Variants in TTC27 observed in about 807,000 individuals in gnomAD.
TTC27 encodes the protein tetratricopeptide repeat protein 27.
A neutral mutation model predicts 115.9 loss-of-function variants in TTC27; 79 were observed. The ratio of observed to expected loss-of-function variants is 0.68; its 90% confidence interval spans 0.57 to 0.82. The LOEUF (loss-of-function observed/expected upper bound fraction) is 0.82, where lower values mean the gene tolerates loss of function less well. Among genes scored for constraint, TTC27 ranks in the 40% least tolerant of loss-of-function variants. TTC27 has a pLI of 0.00. For missense variants in TTC27, 1,054 were observed against 993.1 expected (o/e 1.06, Z -0.82); for synonymous variants, 401 against 356.0 (o/e 1.13, Z -1.42).
chr2:32,664,051 A>G (rs771549164), intron 5 of TTC27, among the ~76,000 whole-genome samples: 3 of 151,868 alleles, frequency 2.0e-5, no homozygotes, highest in Non-Finnish European at 4.4e-5. Context: ...TATGAATCAT[A>G]TCTCCCAGGA....
chr2:32,656,078 A>G (rs1665304400), intron 5 of TTC27, among the ~76,000 whole-genome samples: 2 of 152,016 alleles, frequency 1.3e-5, no homozygotes, highest in Admixed American at 1.3e-4. Flanking sequence ...AGTTTTCTAA[A>G]TGCCAATTTC....
In TTC27 at chr2:32,777,328, G is replaced by T. The variant is rs539801696; in HGVS notation, c.1681-554G>T. Reference sequence around the variant, plus strand: ...TGGGGGATTGCTTCCAGGCGTCACCGCCCCCAACCCCAATACCAAAATCCA... The same window carrying T: ...TGGGGGATTGCTTCCAGGCGTCACCTCCCCCAACCCCAATACCAAAATCCA... On this transcript the variant is annotated intron_variant, in intron 13 of 19. Coordinates refer to ENST00000317907, the MANE Select transcript of TTC27 (RefSeq NM_017735.5). Among the ~76,000 whole-genome samples, 5 of 152,294 alleles carry T rather than the reference G, an allele frequency of 3.3e-5. No individual in the cohort carries two copies. The East Asian group carries it at 9.6e-4, about 29-fold the overall frequency.
In TTC27 at chr2:32,699,367, C is replaced by A. The variant is rs12624257; in HGVS notation, c.1120-3440C>A. ...GTTCTAAATGGAATGGAATTAAGAG[C>A]AGTAACCCCCTACTGGGGGGCGTGG... is the stretch of plus-strand genomic sequence containing the variant. On this transcript the variant is annotated intron_variant, in intron 9 of 19. Coordinates refer to ENST00000317907, the MANE Select transcript of TTC27 (RefSeq NM_017735.5). Among the ~76,000 whole-genome samples the A allele has an allele frequency of 1.8e-3, 271 of 152,298 alleles. 5 individuals are homozygous for A. In the East Asian group the frequency reaches 0.047, roughly 26 times the overall value.
intron 3 of TTC27, among the ~76,000 whole-genome samples, chr2:32,636,549 G>C (rs1664436603): frequency 6.6e-6 from 1 of 152,112 alleles, no homozygotes; most frequent in African/African-American, 2.4e-5. Flanking sequence ...GGTCCTTACA[G>C]ATTTGAGGTA....
At chr2:32,748,132 G>A (rs978747306) in intron 12 of TTC27, among the ~76,000 whole-genome samples, 9 of 151,822 alleles carry the variant, frequency 5.9e-5, no homozygotes, top group Non-Finnish European at 1.2e-4. Flanking sequence ...GCTACATCCC[G>A]TAAGTTTCAG....
chr2:32,775,270 T>C (rs7580674), intron 13 of TTC27, among the ~76,000 whole-genome samples: 19,065 of 152,222 alleles, frequency 0.13, 1,366 homozygotes, highest in Middle Eastern at 0.21. Context: ...CCATCTCAGC[T>C]CACTGCAAGC....
At chr2:32,697,195 A>G (rs1559210662) in intron 9 of TTC27, among the ~76,000 whole-genome samples, 1 of 151,706 alleles carries the variant, frequency 6.6e-6, no homozygotes, top group African/African-American at 2.4e-5. Context: ...CTGTCTCAAA[A>G]AAAAAAAACA....
chr2:32,641,223 A>G (rs1051169015), intron 4 of TTC27, among the ~76,000 whole-genome samples: 3 of 152,236 alleles, frequency 2.0e-5, no homozygotes, highest in African/African-American at 7.2e-5. Context: ...ATATACACAC[A>G]GAATGCTAAT....
intron 10 of TTC27, among the ~76,000 whole-genome samples, chr2:32,718,780 G>T (rs1667830802): frequency 6.6e-6 from 1 of 152,162 alleles, no homozygotes; most frequent in African/African-American, 2.4e-5. Context: ...GCTTCTGTAG[G>T]GTTGGCATGG....
At chr2:32,804,539 C>T (rs1671065385) in intron 16 of TTC27, among the ~76,000 whole-genome samples, 1 of 151,936 alleles carries the variant, frequency 6.6e-6, no homozygotes, top group Non-Finnish European at 1.5e-5. Flanking sequence ...TATCAAAATA[C>T]TATACTTAAA....
chr2:32,672,338 A>G lies in TTC27; in HGVS notation c.1006A>G (p.Met336Val). 1 of 1,613,948 alleles carries G rather than the reference A, an allele frequency of 6.2e-7. No individual in the cohort carries two copies. Among genetic ancestry groups the G allele is most frequent in the Non-Finnish European group, 8.5e-7 (1 of 1,179,886 alleles). The change falls in exon 8 of 20, where the codon ATG becomes GTG. Residue 336 changes from methionine to valine, a missense_variant. Coordinates refer to ENST00000317907, the MANE Select transcript of TTC27 (RefSeq NM_017735.5). ...GTTAGCAGATTGTGAACAGTTCCAGATGCCGGATCTGTGTGCTGAAGAGAT... is the reference window on the plus strand; with the variant it reads ...GTTAGCAGATTGTGAACAGTTCCAGGTGCCGGATCTGTGTGCTGAAGAGAT... ...IKLADCEQFQMPDLCAEEIAI... is the reference protein window; with the variant it reads ...IKLADCEQFQVPDLCAEEIAI...
At chr2:32,741,269 T>C (rs975980346) in intron 12 of TTC27, among the ~76,000 whole-genome samples, 27 of 152,162 alleles carry the variant, frequency 1.8e-4, no homozygotes, top group African/African-American at 6.3e-4. Context: ...TGTACTCCTA[T>C]GGCACCCAAA....
chr2:32,759,728 C>T (rs1179670789), intron 13 of TTC27, among the ~76,000 whole-genome samples: 1 of 152,188 alleles, frequency 6.6e-6, no homozygotes, highest in Non-Finnish European at 1.5e-5. Flanking sequence ...CCCTGTTTCC[C>T]CTTCGTTCCC....
At chr2:32,650,590 T>C (rs1470169970) in intron 5 of TTC27, among the ~76,000 whole-genome samples, 1 of 151,990 alleles carries the variant, frequency 6.6e-6, no homozygotes, top group African/African-American at 2.4e-5. Flanking sequence ...CTCTCCTTAG[T>C]TCTTTTTTTA....
At chr2:32,631,423 A>C (rs898940174) in intron 2 of TTC27, among the ~76,000 whole-genome samples, 11 of 152,212 alleles carry the variant, frequency 7.2e-5, no homozygotes, top group African/African-American at 2.4e-4. Context: ...CAGAGAACTT[A>C]ATGTTTTTGT....
At chr2:32,711,667 C>T (rs138958757) in intron 10 of TTC27, among the ~76,000 whole-genome samples, 44 of 152,194 alleles carry the variant, frequency 2.9e-4, no homozygotes, top group Middle Eastern at 3.4e-3. Context: ...AGGCTGGGGG[C>T]GGTGGCTCAT....
rs532493293 is a variant in TTC27 at position 32,728,924 on chromosome 2, C to G, written c.1234-4904C>G. On this transcript the variant is annotated intron_variant, in intron 10 of 19. Transcript: ENST00000317907. ...ATTACAGCTGAATTGACTGCAGACT[C>G]CTGTTAGAGAAAGCTGTTTGGCTCA... is the stretch of plus-strand genomic sequence containing the variant. 2.6e-5 allele frequency among the ~76,000 whole-genome samples: 4 copies of G among 152,234 alleles called. No homozygotes were observed. In the South Asian group the frequency reaches 8.3e-4, roughly 32 times the overall value.
chr2:32,772,320 C>A (rs1558336089), intron 13 of TTC27, among the ~76,000 whole-genome samples: 1 of 152,168 alleles, frequency 6.6e-6, no homozygotes. Context: ...TCCTCTAGAT[C>A]TCTTTTGAAC....
chr2:32,784,743 G>T (rs1162286501), intron 15 of TTC27, among the ~76,000 whole-genome samples: 2 of 152,262 alleles, frequency 1.3e-5, no homozygotes, highest in South Asian at 4.1e-4. Context: ...GGGATCATAA[G>T]GGAGGACATA....
Sources: gnomAD v4.1 joint callset for allele counts (sites outside exome capture counted in the v4.1 genomes callset) on GRCh38, gnomAD v4.1.1 for gene constraint, MANE v1.5 for transcripts, NCBI Gene and HGNC (gene_info 2026-07-23, HGNC 2026-07-21) for gene names.